The following PSMA1 variants were observed in gnomAD, a reference collection of about 807,000 sequenced individuals.
PSMA1 encodes the protein proteasome subunit alpha type-1.
A neutral mutation model predicts 38.4 loss-of-function variants in PSMA1; 3 were observed. That is an observed-to-expected ratio of 0.08 (90% CI 0.04 to 0.20). PSMA1 has a LOEUF of 0.20. Ranked by LOEUF, PSMA1 falls within the 10% of genes least tolerant of loss-of-function variation. PSMA1 has a pLI of 1.00. For synonymous variants in PSMA1, 101 were observed against 107.1 expected (o/e 0.94, Z 0.35); for missense variants, 227 against 325.3 (o/e 0.70, Z 2.32).
intron 1 of PSMA1, among the ~76,000 whole-genome samples, chr11:14,636,457 T>C (rs1008436129): frequency 2.0e-5 from 3 of 152,210 alleles, no homozygotes; most frequent in African/African-American, 7.2e-5. Context: ...TCCTTGTCCC[T>C]TACATGTTTG....
intron 1 of PSMA1, among the ~76,000 whole-genome samples, chr11:14,614,595 TCTC>T (rs2134200260): frequency 6.6e-6 from 1 of 152,292 alleles, no homozygotes; most frequent in African/African-American, 2.4e-5. Context: ...TTGAATTTTC[TCTC>T]CTAATTAATA....
At chr11:14,566,180 A>T (rs1346682973) in intron 2 of PSMA1, among the ~76,000 whole-genome samples, 1 of 152,132 alleles carries the variant, frequency 6.6e-6, no homozygotes, top group African/African-American at 2.4e-5. Context: ...GTATATGTGA[A>T]ACAAAGGAAT....
chr11:14,575,483 C>T (rs899771664), intron 2 of PSMA1, among the ~76,000 whole-genome samples: 11 of 150,236 alleles, frequency 7.3e-5, no homozygotes, highest in Non-Finnish European at 1.6e-4. Context: ...TTCTTCAATT[C>T]CCACCTACGA....
upstream of PSMA1, among the ~76,000 whole-genome samples, chr11:14,522,544 T>C (rs1404900173): frequency 1.3e-5 from 2 of 152,204 alleles, no homozygotes; most frequent in Non-Finnish European, 2.9e-5. Flanking sequence ...AAGTACTTTT[T>C]ACTTTTATCA....
intron 2 of PSMA1, among the ~76,000 whole-genome samples, chr11:14,548,857 T>C (rs760739528): frequency 8.5e-5 from 13 of 152,214 alleles, no homozygotes; most frequent in Non-Finnish European, 1.6e-4. Flanking sequence ...CAGTCTATAC[T>C]GATTAAAAGA....
intron 1 of PSMA1, among the ~76,000 whole-genome samples, chr11:14,627,017 C>T (rs1852920105): frequency 6.6e-6 from 1 of 152,174 alleles, no homozygotes; most frequent in South Asian, 2.1e-4. Flanking sequence ...CCTTAGCTTT[C>T]AGATAGCCCC....
chr11:14,505,079 CAT>C lies in PSMA1; in HGVS notation c.*111_*112del, dbSNP rs1851222997. 3 of 955,742 alleles carry C rather than the reference CAT, an allele frequency of 3.1e-6. No individual in the cohort carries two copies. The highest frequency in any genetic ancestry group is 3.2e-5 in the African/African-American group (2 of 61,986). The allele number at this position is 955,742 out of a possible 1,614,324, so 59.2% of individuals were successfully genotyped here. On this transcript the variant is annotated 3_prime_UTR_variant, in exon 10 of 10. Transcript: ENST00000396394. ...CTCACATCTGGACTGATTCCTAAAA[CAT>C]AGCATTCCACCACTCTGCAACTTTT...
chr11:14,631,271 T>C (rs1390049608), intron 1 of PSMA1, among the ~76,000 whole-genome samples: 1 of 152,252 alleles, frequency 6.6e-6, no homozygotes, highest in East Asian at 1.9e-4. Flanking sequence ...GTGTCAATTT[T>C]CGATATTTCC....
chr11:14,612,997 G>A (rs936801176), intron 1 of PSMA1, among the ~76,000 whole-genome samples: 1 of 152,008 alleles, frequency 6.6e-6, no homozygotes, highest in Non-Finnish European at 1.5e-5. Context: ...ATGGAGATAG[G>A]GAAGGAACAT....
intron 2 of PSMA1, among the ~76,000 whole-genome samples, chr11:14,528,087 C>T (rs1253476692): frequency 2.0e-5 from 3 of 151,610 alleles, no homozygotes; most frequent in Non-Finnish European, 4.4e-5. Context: ...TCGCTGAGGC[C>T]TCGACTTACT....
intron 2 of PSMA1, among the ~76,000 whole-genome samples, chr11:14,527,004 C>T (rs971482118): frequency 6.6e-6 from 1 of 152,160 alleles, no homozygotes; most frequent in Non-Finnish European, 1.5e-5. Flanking sequence ...TATACTGACT[C>T]TTAATATGCC....
At chr11:14,507,801 G>A (rs1465276625) in intron 8 of PSMA1, 35 bp from the exon 9 acceptor site, 3 of 1,319,688 alleles carry the variant, frequency 2.3e-6, no homozygotes, top group Admixed American at 1.9e-5. Flanking sequence ...TAAAATAAGA[G>A]AATTTGGATG....
chr11:14,572,478 C>T (rs1350497474), intron 2 of PSMA1, among the ~76,000 whole-genome samples: 2 of 152,158 alleles, frequency 1.3e-5, no homozygotes, highest in South Asian at 4.1e-4. Context: ...AGAACAGAGA[C>T]ACAACATACC....
chr11:14,557,459 G>A (rs1851953362), intron 2 of PSMA1, among the ~76,000 whole-genome samples: 1 of 152,068 alleles, frequency 6.6e-6, no homozygotes, highest in African/African-American at 2.4e-5. Flanking sequence ...GGCCAGGATG[G>A]TCTCGATCTC....
At chr11:14,555,711 C>T (rs1156517619) in intron 2 of PSMA1, among the ~76,000 whole-genome samples, 1 of 152,164 alleles carries the variant, frequency 6.6e-6, no homozygotes, top group Non-Finnish European at 1.5e-5. Flanking sequence ...CTTCTACCAC[C>T]CTCTCCAACA....
At chr11:14,584,597 C>T (rs1177147458) in intron 2 of PSMA1, among the ~76,000 whole-genome samples, 1 of 149,128 alleles carries the variant, frequency 6.7e-6, no homozygotes, top group African/African-American at 2.5e-5. Context: ...AAGCTCTCAA[C>T]AAGAATGAGC....
chr11:14,553,432 T>C (rs1851908997), intron 2 of PSMA1, among the ~76,000 whole-genome samples: 1 of 152,186 alleles, frequency 6.6e-6, no homozygotes, highest in African/African-American at 2.4e-5. Flanking sequence ...AACTGTTTTA[T>C]TACTACAAAT....
intron 4 of PSMA1, among the ~76,000 whole-genome samples, chr11:14,515,398 T>C (rs1238492878): frequency 6.6e-6 from 1 of 152,304 alleles, no homozygotes; most frequent in Non-Finnish European, 1.5e-5. Flanking sequence ...AGTTTTTATA[T>C]TGATTATGTG....
intron 1 of PSMA1, among the ~76,000 whole-genome samples, chr11:14,633,568 G>A (rs951135851): frequency 2.0e-5 from 3 of 152,206 alleles, no homozygotes; most frequent in African/African-American, 7.2e-5. Context: ...ATTTAAGTCT[G>A]CAGAGGTTCC....
Sources: allele counts gnomAD v4.1 joint callset (sites outside exome capture counted in the v4.1 genomes callset), GRCh38; gene constraint gnomAD v4.1.1; transcripts MANE v1.5; gene names NCBI Gene and HGNC (gene_info 2026-07-23, HGNC 2026-07-21).